Variants in SEC61A2 observed in about 807,000 individuals in gnomAD.
The protein encoded by SEC61A2 is SEC61 translocon subunit alpha 2, also known as protein transport protein Sec61 subunit alpha isoform 2.
SEC61A2 carries 28 observed loss-of-function variants against 59.9 expected under a neutral mutation model. The observed-to-expected ratio is 0.47, with a 90% CI of 0.35 to 0.64. The LOEUF (loss-of-function observed/expected upper bound fraction) is 0.64, where lower values mean the gene tolerates loss of function less well. Ranked by LOEUF, SEC61A2 falls within the 30% of genes least tolerant of loss-of-function variation. SEC61A2 has a pLI of 0.01. For synonymous variants in SEC61A2, 202 were observed against 214.4 expected, an observed-to-expected ratio of 0.94 and a Z score of 0.50; for missense variants, 340 against 585.9, an observed-to-expected ratio of 0.58 and a Z score of 4.33.
rs1377460559 is a variant in SEC61A2 at position 12,145,412 on chromosome 10, T to A, written c.220+2217T>A. 6.6e-6 allele frequency among the ~76,000 whole-genome samples: 1 copy of A among 152,234 alleles called. No individual in the cohort carries two copies. Among genetic ancestry groups the A allele is most frequent in the African/African-American group, 2.4e-5 (1 of 41,476 alleles). ...AAGCTAAATTATCTTCCAAAACAGTTGTTTGATTTTACACTCTCAGCGACA... is the reference window on the plus strand; with the variant it reads ...AAGCTAAATTATCTTCCAAAACAGTAGTTTGATTTTACACTCTCAGCGACA... On this transcript the variant is annotated intron_variant, in intron 4 of 11. Coordinates refer to ENST00000298428, the MANE Select transcript of SEC61A2 (RefSeq NM_018144.4). The surrounding 1 kb of genome is among the most constrained non-coding windows in gnomAD (Gnocchi z 4.4).
At position 12,142,819 on chromosome 10, in the gene SEC61A2, A is replaced by G. The variant is rs898386641; in HGVS notation, c.142-298A>G. Among the ~76,000 whole-genome samples the G allele has an allele frequency of 3.3e-5, 5 of 151,634 alleles. No individual in the cohort carries two copies. The highest frequency in any genetic ancestry group is 9.7e-5 in the African/African-American group (4 of 41,264). Reference sequence around the variant, plus strand: ...TTATTAACCCTTATCTATGTGATGGAATGTTTTTCTTTTTATTTTCTTTTT... The same window carrying G: ...TTATTAACCCTTATCTATGTGATGGGATGTTTTTCTTTTTATTTTCTTTTT... On this transcript the variant is annotated intron_variant, in intron 3 of 11. Transcript: ENST00000298428. This position sits in a 1 kb window ranked among gnomAD's most constrained non-coding sequence, Gnocchi z 5.4.
downstream of SEC61A2, chr10:12,169,840 T>TA: frequency 3.0e-6 from 1 of 336,768 alleles, no homozygotes. This position sits in a 1 kb window ranked among gnomAD's most constrained non-coding sequence, Gnocchi z 4.8. Flanking sequence ...AAACTGGTCT[T>TA]AAAGCTTCAG....
At chr10:12,148,164 C>A (rs1834188621) in intron 4 of SEC61A2, among the ~76,000 whole-genome samples, 1 of 151,610 alleles carries the variant, frequency 6.6e-6, no homozygotes, top group Non-Finnish European at 1.5e-5. Context: ...TGGTCTCAAA[C>A]TCCTGACCTC....
intron 3 of SEC61A2, among the ~76,000 whole-genome samples, chr10:12,139,661 G>A (rs1236305023): frequency 6.6e-6 from 1 of 152,210 alleles, no homozygotes; most frequent in Non-Finnish European, 1.5e-5. Flanking sequence ...GCGGGCGCCT[G>A]TAGTCCCAGC....
At position 12,160,063 on chromosome 10, in the gene SEC61A2, A is replaced by G. The variant is rs1037593506; in HGVS notation, c.976-867A>G. Among the ~76,000 whole-genome samples the G allele has an allele frequency of 1.8e-4, 28 of 152,168 alleles. No individual in the cohort carries two copies. The highest frequency in any genetic ancestry group is 6.8e-4 in the African/African-American group (28 of 41,420). ...ATATCGAGGACAGGAAAGTCAAGAG[A>G]CAGGAATAAGAAGAATGCTGTTTCT... On this transcript the variant is annotated intron_variant, in intron 9 of 11. Coordinates refer to ENST00000298428, the MANE Select transcript of SEC61A2 (RefSeq NM_018144.4). This position sits in a 1 kb window ranked among gnomAD's most constrained non-coding sequence, Gnocchi z 4.1.
intron 3 of SEC61A2, among the ~76,000 whole-genome samples, chr10:12,141,493 C>A (rs1478710305): frequency 6.6e-6 from 1 of 152,174 alleles, no homozygotes. Flanking sequence ...AGGAAGCAAT[C>A]TGAACTTAAG....
At position 12,153,669 on chromosome 10, in the gene SEC61A2, T is replaced by A; in HGVS notation, c.463-2109T>A. On this transcript the variant is annotated intron_variant, in intron 6 of 11. Transcript: ENST00000298428. This position sits in a 1 kb window ranked among gnomAD's most constrained non-coding sequence, Gnocchi z 5.2. ...TGCGTGTTATGGCTAATTCTTCTAA[T>A]GTTAATATATAAAGAGGGGTGTCAT... 1.9e-6 allele frequency: 3 copies of A among 1,548,172 alleles called. No individual in the cohort carries two copies. Among genetic ancestry groups the A allele is most frequent in the Non-Finnish European group, 2.6e-6 (3 of 1,141,030 alleles).
chr10:12,161,805 GAAA>G lies in SEC61A2; in HGVS notation c.1168-406_1168-404del, dbSNP rs1318204364. Among the ~76,000 whole-genome samples the G allele has an allele frequency of 1.3e-5, 2 of 152,032 alleles. No homozygotes were observed. Among genetic ancestry groups the G allele is most frequent in the Non-Finnish European group, 2.9e-5 (2 of 68,006 alleles). Reference sequence around the variant, plus strand: ...AAAGTAAAATAAAACTTTGTTTTTGGAAAATTCATATTTAATTGTCAAAACAGT... The same window carrying G: ...AAAGTAAAATAAAACTTTGTTTTTGGATTCATATTTAATTGTCAAAACAGT... On this transcript the variant is annotated intron_variant, in intron 10 of 11. Coordinates refer to ENST00000298428, the MANE Select transcript of SEC61A2 (RefSeq NM_018144.4). This position sits in a 1 kb window ranked among gnomAD's most constrained non-coding sequence, Gnocchi z 5.4.
chr10:12,164,340 G>T lies in SEC61A2; in HGVS notation c.1317G>T (p.Gly439=), dbSNP rs1834611550. The change falls in exon 12 of 12, where the codon GGG becomes GGT. Residue 439 remains glycine, a synonymous_variant. Transcript: ENST00000298428. This position sits in a 1 kb window ranked among gnomAD's most constrained non-coding sequence, Gnocchi z 7.3. Reference sequence around the variant, plus strand: ...TGTCAGTGCTGGCTGACTTCCTGGGGGCCATTGGATCTGGCACTGGAATTC... The same window carrying T: ...TGTCAGTGCTGGCTGACTTCCTGGGTGCCATTGGATCTGGCACTGGAATTC... The part of the protein sequence containing the change: ...GALSVLADFL[G]AIGSGTGILL... 22 of 1,613,970 alleles carry T rather than the reference G, an allele frequency of 1.4e-5. No homozygotes were observed. Among genetic ancestry groups the T allele is most frequent in the Non-Finnish European group, 1.9e-5 (22 of 1,179,962 alleles).
Position 12,149,713 on chromosome 10 carries a change from T to C in SEC61A2, c.339T>C (p.Asn113=). The C allele has an allele frequency of 6.2e-7, 1 of 1,612,086 alleles. No individual in the cohort carries two copies. Among genetic ancestry groups the C allele is most frequent in the Non-Finnish European group, 8.5e-7 (1 of 1,179,524 alleles). The change falls in exon 5 of 12, where the codon AAT becomes AAC. Residue 113 remains asparagine, a synonymous_variant. Transcript: ENST00000298428. This position sits in a 1 kb window ranked among gnomAD's most constrained non-coding sequence, Gnocchi z 5.2. ...CACCGAAAGATAGAGCTTTATTCAA[T>C]GGAGCCCAGAAACGTGAGCATTAAT... ...GDTPKDRALF[N]GAQKLFGMII...
Position 12,143,193 on chromosome 10 carries a change from G to A in SEC61A2, c.218G>A (p.Arg73Lys). 1 of 1,606,278 alleles carries A rather than the reference G, an allele frequency of 6.2e-7. No homozygotes were observed. ...ATGAGAGTTATTCTGGCTTCCAATA[G>A]AGGTATGCGTGTCTTTTCTGTCTCC... Reference protein sequence around the residue: ...YWMRVILASNRGTLMELGISP... With the variant: ...YWMRVILASNKGTLMELGISP... The change falls in exon 4 of 12, where the codon AGA becomes AAA. Residue 73 changes from arginine to lysine, a missense_variant and splice_region_variant. Around this residue, in one of 3 missense-constraint regions of SEC61A2, gnomAD observed 16 missense variants for 55.0 expected, o/e 0.29. Coordinates refer to ENST00000298428, the MANE Select transcript of SEC61A2 (RefSeq NM_018144.4). This position sits in a 1 kb window ranked among gnomAD's most constrained non-coding sequence, Gnocchi z 4.8.
rs1834127305 is a variant in SEC61A2 at position 12,145,919 on chromosome 10, G to C, written c.220+2724G>C. 6.6e-6 allele frequency among the ~76,000 whole-genome samples: 1 copy of C among 152,234 alleles called. No homozygotes were observed. The highest frequency in any genetic ancestry group is 2.4e-5 in the African/African-American group (1 of 41,462). On this transcript the variant is annotated intron_variant, in intron 4 of 11. Transcript: ENST00000298428. This position sits in a 1 kb window ranked among gnomAD's most constrained non-coding sequence, Gnocchi z 4.4. ...AGTGGAGATGAACAGCTAAGCCCCA[G>C]GAAGAAGGGGAGCAAGGCCAGCCCT...
Position 12,160,276 on chromosome 10 carries a change from C to A in SEC61A2, c.976-654C>A, listed in dbSNP as rs1245924849. Among the ~76,000 whole-genome samples, 2 of 152,136 alleles carry A rather than the reference C, an allele frequency of 1.3e-5. No individual in the cohort carries two copies. The highest frequency in any genetic ancestry group is 2.9e-5 in the Non-Finnish European group (2 of 68,002). On this transcript the variant is annotated intron_variant, in intron 9 of 11. Transcript: ENST00000298428. The surrounding 1 kb of genome is among the most constrained non-coding windows in gnomAD (Gnocchi z 4.1). Reference sequence around the variant, plus strand: ...GATTCTAGGGGCACAGTAAAGAAATCATTGGGCAGTCATAAATTCAAGAAC... The same window carrying A: ...GATTCTAGGGGCACAGTAAAGAAATAATTGGGCAGTCATAAATTCAAGAAC...
intron 3 of SEC61A2, among the ~76,000 whole-genome samples, chr10:12,138,063 G>T (rs1477566069): frequency 6.6e-6 from 1 of 151,980 alleles, no homozygotes; most frequent in Admixed American, 6.6e-5. Flanking sequence ...TTAGGTCAAG[G>T]TTTTTTGGGG....
chr10:12,152,901 C>T lies in SEC61A2; in HGVS notation c.463-2877C>T, dbSNP rs115680359. ...TCTCAAAAACTAAAACAAAATAAAA[C>T]GACAAAAATTAGCCAGGCGTGGCGG... On this transcript the variant is annotated intron_variant, in intron 6 of 11. Coordinates refer to ENST00000298428, the MANE Select transcript of SEC61A2 (RefSeq NM_018144.4). The surrounding 1 kb of genome is among the most constrained non-coding windows in gnomAD (Gnocchi z 5.5). 5.4e-3 allele frequency among the ~76,000 whole-genome samples: 813 copies of T among 151,286 alleles called. 12 individuals are homozygous for T. Among genetic ancestry groups the T allele is most frequent in the African/African-American group, 0.018 (751 of 41,236 alleles).
In SEC61A2 at chr10:12,154,621, T is replaced by C. The variant is rs934299202; in HGVS notation, c.463-1157T>C. Among the ~76,000 whole-genome samples, 1 of 152,206 alleles carries C rather than the reference T, an allele frequency of 6.6e-6. No homozygotes were observed. The highest frequency in any genetic ancestry group is 1.5e-5 in the Non-Finnish European group (1 of 68,040). On this transcript the variant is annotated intron_variant, in intron 6 of 11. Coordinates refer to ENST00000298428, the MANE Select transcript of SEC61A2 (RefSeq NM_018144.4). This position sits in a 1 kb window ranked among gnomAD's most constrained non-coding sequence, Gnocchi z 5.2. ...CAGTAAAGGATTAGCATGATCTCTC[T>C]TAGAAGTTTGGAGAATCGTACCCTT...
At position 12,133,269 on chromosome 10, in the gene SEC61A2, C is replaced by T; in HGVS notation, c.36C>T (p.Phe12=). Reference sequence around the variant, plus strand: ...AATTTTTAGAAGTTATCAAACCATTCTGTGCAGTTCTACCAGAAATTCAGA... The same window carrying T: ...AATTTTTAGAAGTTATCAAACCATTTTGTGCAGTTCTACCAGAAATTCAGA... ...GIKFLEVIKP[F]CAVLPEIQKP... is the part of the protein sequence containing the mutation. Residue 12 remains phenylalanine, a synonymous_variant, in exon 2 of 12, where the codon TTC becomes TTT. Coordinates refer to ENST00000298428, the MANE Select transcript of SEC61A2 (RefSeq NM_018144.4). 1 of 1,553,626 alleles carries T rather than the reference C, an allele frequency of 6.4e-7. No homozygotes were observed. The highest frequency in any genetic ancestry group is 8.9e-7 in the Non-Finnish European group (1 of 1,128,846).
At chr10:12,168,000 C>T, downstream of SEC61A2, 1 of 1,094,654 alleles carries the variant, frequency 9.1e-7, no homozygotes, top group Non-Finnish European at 1.2e-6. Flanking sequence ...ACATTCCTAG[C>T]ATGAGACAAG....
Position 12,164,661 on chromosome 10 carries a change from T to TA in SEC61A2, c.*214dup, listed in dbSNP as rs1834622718. The TA allele has an allele frequency of 1.5e-6, 2 of 1,361,666 alleles. No individual in the cohort carries two copies. The highest frequency in any genetic ancestry group is 1.9e-6 in the Non-Finnish European group (2 of 1,063,558). 84.3% of individuals were successfully genotyped at this position (1,361,666 alleles called of 1,614,324 possible). ...TAAAACTCAAGTTTACATTATTCAT[T>TA]AAAAAAAGTACATCTAGTGTTGCCT... is the stretch of plus-strand genomic sequence containing the variant. On this transcript the variant is annotated 3_prime_UTR_variant, in exon 12 of 12. Coordinates refer to ENST00000298428, the MANE Select transcript of SEC61A2 (RefSeq NM_018144.4). This position sits in a 1 kb window ranked among gnomAD's most constrained non-coding sequence, Gnocchi z 7.3.
Sources: allele counts gnomAD v4.1 joint callset (sites outside exome capture counted in the v4.1 genomes callset), GRCh38; gene constraint gnomAD v4.1.1; regional missense constraint gnomAD v4.1.1; non-coding constraint Gnocchi (gnomAD v3.1); transcripts MANE v1.5; gene names NCBI Gene and HGNC (gene_info 2026-07-23, HGNC 2026-07-21).